Variants in C10orf143 observed in about 807,000 individuals in gnomAD.
C10orf143 encodes the protein chromosome 10 open reading frame 143.
At chr10:130,083,510 G>A (rs1469540468) in intron 1 of C10orf143, among the ~76,000 whole-genome samples, 1 of 152,224 alleles carries the variant, frequency 6.6e-6, no homozygotes, top group Non-Finnish European at 1.5e-5. Flanking sequence ...ACACTGGAGA[G>A]TGGTTGGATA....
In C10orf143 at chr10:130,063,983, G is replaced by C. The variant is rs1860886070; in HGVS notation, c.*371C>G. 5.2e-6 allele frequency: 1 copy of C among 191,290 alleles called. No individual in the cohort carries two copies. Among genetic ancestry groups the C allele is most frequent in the African/African-American group, 2.3e-5 (1 of 43,166 alleles). 11.8% of individuals were successfully genotyped at this position (191,290 alleles called of 1,614,324 possible). A position where few individuals can be genotyped will look rare whatever the true frequency, so the allele number is the denominator to read the frequency against. ...AAAACAACGAAAAAGCATGATGGCG[G>C]GGCTGCGTCTGGGTGGGCCTCCATA... is the stretch of plus-strand genomic sequence containing the variant. On this transcript the variant is annotated 3_prime_UTR_variant, in exon 4 of 4. Transcript: ENST00000637128.
At chr10:130,063,217 C>T (rs1860876262), downstream of C10orf143, among the ~76,000 whole-genome samples, 2 of 152,176 alleles carry the variant, frequency 1.3e-5, no homozygotes, top group Non-Finnish European at 1.5e-5. Flanking sequence ...CGGGTGGACA[C>T]CTGCTCTCTC....
intron 1 of C10orf143, among the ~76,000 whole-genome samples, chr10:130,099,510 T>TTTA (rs1861513343): frequency 7.4e-5 from 11 of 148,548 alleles, no homozygotes; most frequent in African/African-American, 2.7e-4. Context: ...CTTCTTTTAT[T>TTTA]TTTATTTATT....
chr10:130,090,588 G>C (rs1422339483), intron 1 of C10orf143, among the ~76,000 whole-genome samples: 2 of 152,132 alleles, frequency 1.3e-5, no homozygotes, highest in African/African-American at 4.8e-5. Context: ...TGGAAAGGGG[G>C]CTGAAGCCAG....
intron 1 of C10orf143, among the ~76,000 whole-genome samples, chr10:130,098,745 A>C (rs1275079892): frequency 6.6e-6 from 1 of 152,196 alleles, no homozygotes; most frequent in Non-Finnish European, 1.5e-5. Context: ...TGCCGATCCT[A>C]ACCTCATTGT....
chr10:130,046,130 G>A (rs1252957978), intron 3 of C10orf143, among the ~76,000 whole-genome samples: 3 of 150,514 alleles, frequency 2.0e-5, no homozygotes, highest in Non-Finnish European at 4.4e-5. Context: ...GTGGCGTGGG[G>A]CACAGGAAGG....
At chr10:130,104,793 C>T (rs1025781820) in intron 1 of C10orf143, 3 of 152,196 alleles carry the variant, frequency 2.0e-5, no homozygotes, top group Non-Finnish European at 2.9e-5. Context: ...GGGTGTCTTC[C>T]ATTAAACCTT....
intron 1 of C10orf143, among the ~76,000 whole-genome samples, chr10:130,100,861 T>C (rs758684836): frequency 5.3e-5 from 8 of 152,074 alleles, no homozygotes; most frequent in Non-Finnish European, 1.2e-4. Flanking sequence ...AGAAGCTTAA[T>C]AGATGTGTAG....
At chr10:130,042,731 G>C (rs1181805469) in intron 3 of C10orf143, among the ~76,000 whole-genome samples, 1 of 152,234 alleles carries the variant, frequency 6.6e-6, no homozygotes, top group African/African-American at 2.4e-5. Context: ...CCAACGTCTG[G>C]AGAGCCTATA....
At chr10:130,072,215 A>C (rs1861044804) in intron 3 of C10orf143, among the ~76,000 whole-genome samples, 1 of 152,248 alleles carries the variant, frequency 6.6e-6, no homozygotes, top group African/African-American at 2.4e-5. Context: ...CTTAATGGTC[A>C]CAGCTTTGTA....
intron 3 of C10orf143, chr10:130,064,869 C>G (rs1045748813): frequency 6.6e-6 from 1 of 152,262 alleles, no homozygotes; most frequent in African/African-American, 2.4e-5. Context: ...CACCTTCACC[C>G]GCAGAAGTAA....
At chr10:130,035,935 G>A (rs984175983) in exon 4 of C10orf143, 2 of 152,148 alleles carry the variant, frequency 1.3e-5, no homozygotes, top group East Asian at 3.9e-4. Flanking sequence ...CTCCTTTCCC[G>A]GCTTGCCAAT....
chr10:130,072,867 A>G (rs1418221529), intron 3 of C10orf143, among the ~76,000 whole-genome samples: 1 of 152,270 alleles, frequency 6.6e-6, no homozygotes, highest in Non-Finnish European at 1.5e-5. Flanking sequence ...ATGCTGACAC[A>G]GAAGCATGAG....
At chr10:130,096,944 T>C (rs1238669489) in intron 1 of C10orf143, among the ~76,000 whole-genome samples, 5 of 150,196 alleles carry the variant, frequency 3.3e-5, no homozygotes, top group Admixed American at 6.6e-5. Context: ...AAAATATATA[T>C]ATATAAAATT....
At chr10:130,073,277 G>A (rs945544540) in intron 3 of C10orf143, among the ~76,000 whole-genome samples, 2 of 152,178 alleles carry the variant, frequency 1.3e-5, no homozygotes, top group Admixed American at 6.5e-5. Flanking sequence ...CTGTTTTTAT[G>A]GCAGGGCTTC....
At position 130,056,542 on chromosome 10, in the gene C10orf143, C is replaced by T. The variant is rs1860797276; in HGVS notation, c.298-20572G>A. On this transcript the variant is annotated intron_variant and NMD_transcript_variant, in intron 3 of 5. Coordinates refer to the C10orf143 transcript ENST00000643056. This position sits in a 1 kb window ranked among gnomAD's most constrained non-coding sequence, Gnocchi z 4.6. ...TTACAGAGAAAGGGAAGGGTTGAGC[C>T]ATTGAGAGTTTTTTATTTCTTTCAT... 6.6e-6 allele frequency among the ~76,000 whole-genome samples: 1 copy of T among 152,100 alleles called. No individual in the cohort carries two copies. Among genetic ancestry groups the T allele is most frequent in the Non-Finnish European group, 1.5e-5 (1 of 68,026 alleles).
intron 1 of C10orf143, among the ~76,000 whole-genome samples, chr10:130,087,156 T>A (rs920320824): frequency 1.4e-5 from 2 of 142,372 alleles, no homozygotes. Flanking sequence ...GCTGACCACA[T>A]ACGATACTGA....
chr10:130,094,244 AACC>A lies in C10orf143; in HGVS notation c.70-14346_70-14344del, dbSNP rs750580055. ...TTAAGGCAGTAATTAATAGCCTACC[AACC>A]AAAAAAAGCCCAGGATCAGACAGAT... On this transcript the variant is annotated intron_variant, in intron 1 of 3. Transcript: ENST00000637128. Among the ~76,000 whole-genome samples the A allele has an allele frequency of 2.6e-5, 4 of 152,266 alleles. No individual in the cohort carries two copies. The East Asian group carries it at 7.7e-4, about 29-fold the overall frequency.
chr10:130,108,276 C>A, intron 1 of C10orf143: 1 of 1,571,448 alleles, frequency 6.4e-7, no homozygotes, highest in Non-Finnish European at 8.8e-7. Flanking sequence ...CCACCACATG[C>A]TCCGTTTGCA....
Sources: allele counts gnomAD v4.1 joint callset (sites outside exome capture counted in the v4.1 genomes callset), GRCh38; gene constraint gnomAD v4.1.1; non-coding constraint Gnocchi (gnomAD v3.1); transcripts MANE v1.5; gene names NCBI Gene and HGNC (gene_info 2026-07-23, HGNC 2026-07-21).